The following NAA16 variants were observed in gnomAD, a reference collection of about 807,000 sequenced individuals.
The protein encoded by NAA16 is NARG1-like protein.
NAA16 carries 97 observed loss-of-function variants against 110.3 expected under a neutral mutation model. The ratio of observed to expected loss-of-function variants is 0.88; its 90% CI spans 0.75 to 1.04. The LOEUF (loss-of-function observed/expected upper bound fraction) is 1.04, where lower values mean the gene tolerates loss of function less well. Among genes scored for constraint, NAA16 ranks in the 50% least tolerant of loss-of-function variants. The probability of loss-of-function intolerance (pLI) is 0.00; values close to 1 mark genes in which losing one functional copy is unlikely to be tolerated. For missense variants in NAA16, 1,017 were observed against 1,005.1 expected (o/e 1.01, Z -0.16); for synonymous variants, 372 against 330.6 (o/e 1.13, Z -1.36).
chr13:41,336,186 A>T (rs550168276), intron 8 of NAA16, among the ~76,000 whole-genome samples: 48 of 151,704 alleles, frequency 3.2e-4, no homozygotes, highest in African/African-American at 1.1e-3. Flanking sequence ...TTTTTTTTAA[A>T]TTTTAATCAC....
At chr13:41,340,123 C>A (rs1205805140) in intron 9 of NAA16, among the ~76,000 whole-genome samples, 1 of 151,852 alleles carries the variant, frequency 6.6e-6, no homozygotes, top group Non-Finnish European at 1.5e-5. Context: ...TGTTTTGTTT[C>A]TTATTATCCA....
intron 7 of NAA16, among the ~76,000 whole-genome samples, chr13:41,330,929 G>A (rs771249270): frequency 2.6e-5 from 4 of 151,976 alleles, no homozygotes; most frequent in South Asian, 2.1e-4. Context: ...TTAGACCTAC[G>A]TTATAAAAAG....
intron 10 of NAA16, among the ~76,000 whole-genome samples, chr13:41,357,622 A>G (rs1736040909): frequency 6.6e-6 from 1 of 152,138 alleles, no homozygotes; most frequent in African/African-American, 2.4e-5. Flanking sequence ...TCATTTTTAC[A>G]CAAGTATGTC....
rs568110051 is a variant in NAA16, at chr13:41,315,778, A to AT, written c.55-1058dup. Among the ~76,000 whole-genome samples the AT allele has an allele frequency of 1.3e-3, 202 of 150,134 alleles. 2 individuals are homozygous for AT. In the East Asian group the frequency reaches 0.031, roughly 23 times the overall value. On this transcript the variant is annotated intron_variant, in intron 1 of 19. Coordinates refer to ENST00000379406, the MANE Select transcript of NAA16 (RefSeq NM_024561.5). ...TGTTGCCACATATGTTTTTGCTTAA[A>AT]TTTTTTTTTTGAGATGGTGTCTTGC...
At chr13:41,333,436 A>G (rs1314944454) in intron 8 of NAA16, among the ~76,000 whole-genome samples, 2 of 151,980 alleles carry the variant, frequency 1.3e-5, no homozygotes, top group Non-Finnish European at 2.9e-5. Flanking sequence ...TCACCCCTCA[A>G]CCACAGCACC....
chr13:41,319,127 C>T (rs2041882278), intron 3 of NAA16, among the ~76,000 whole-genome samples: 1 of 152,104 alleles, frequency 6.6e-6, no homozygotes, highest in South Asian at 2.1e-4. Flanking sequence ...TTGTTCCCTA[C>T]CCCGTGTTTA....
intron 1 of NAA16, among the ~76,000 whole-genome samples, chr13:41,314,235 T>C (rs898668606): frequency 2.0e-5 from 3 of 152,208 alleles, no homozygotes; most frequent in African/African-American, 7.2e-5. Flanking sequence ...ATGCTTCCAA[T>C]AGGTGTTAAC....
At chr13:41,341,366 CA>C (rs2042541990) in intron 9 of NAA16, among the ~76,000 whole-genome samples, 1 of 151,952 alleles carries the variant, frequency 6.6e-6, no homozygotes, top group Non-Finnish European at 1.5e-5. Flanking sequence ...AGGTAATAAC[CA>C]ACTTTAAATG....
intron 7 of NAA16, among the ~76,000 whole-genome samples, chr13:41,330,317 G>A (rs990600284): frequency 2.0e-5 from 3 of 151,826 alleles, no homozygotes; most frequent in African/African-American, 7.3e-5. Flanking sequence ...TTCAAATGTG[G>A]TGTTTACAAT....
chr13:41,373,187 A>G (rs2043356426), intron 17 of NAA16: 1 of 871,288 alleles, frequency 1.1e-6, no homozygotes, highest in Non-Finnish European at 1.4e-6. Context: ...ATGTATTTAT[A>G]TTCCAAAGGA....
chr13:41,358,237 GGA>G, intron 10 of NAA16, 65 bp from the exon 11 acceptor site: 3 of 1,332,060 alleles, frequency 2.3e-6, no homozygotes, highest in Admixed American at 1.9e-5. Flanking sequence ...TTATGAATTA[GGA>G]GAGAGAAAAT....
At chr13:41,329,846 T>C (rs1049054267) in intron 7 of NAA16, among the ~76,000 whole-genome samples, 7 of 152,016 alleles carry the variant, frequency 4.6e-5, no homozygotes, top group Non-Finnish European at 1.0e-4. Context: ...TTTACTAAAA[T>C]GAATAATATG....
chr13:41,323,603 C>T (rs1416758367), intron 5 of NAA16, among the ~76,000 whole-genome samples: 1 of 151,776 alleles, frequency 6.6e-6, no homozygotes, highest in Admixed American at 6.6e-5. Flanking sequence ...CCGCCCACCT[C>T]GGCCTCCCAA....
At position 41,346,669 on chromosome 13, in the gene NAA16, T is replaced by C. The variant is rs558041832; in HGVS notation, c.1015-8475T>C. Among the ~76,000 whole-genome samples, 25 of 151,648 alleles carry C rather than the reference T, an allele frequency of 1.6e-4. No homozygotes were observed. The South Asian group carries it at 5.0e-3, about 30-fold the overall frequency. On this transcript the variant is annotated intron_variant, in intron 9 of 19. Transcript: ENST00000379406. ...GCTCTGGGATGATTAGGTAGAGGAG[T>C]AGTGCCTCTTGGGGTATAAGGGCCA...
rs967222752 is a variant in NAA16, at chr13:41,348,904, C to T, written c.1015-6240C>T. ...CATGGTTTTAGATATTTGTCTATTT[C>T]GTCTATGTTATACAGCATTGGCATA... On this transcript the variant is annotated intron_variant, in intron 9 of 19. Transcript: ENST00000379406. Among the ~76,000 whole-genome samples the T allele has an allele frequency of 3.9e-5, 6 of 152,152 alleles. No individual in the cohort carries two copies. In the South Asian group the frequency reaches 1.0e-3, roughly 26 times the overall value.
intron 6 of NAA16, 52 bp downstream of exon 6, chr13:41,325,903 A>G (rs776432062): frequency 4.9e-6 from 7 of 1,437,888 alleles, no homozygotes; most frequent in African/African-American, 1.4e-5. Context: ...CAAAAAAACT[A>G]TATATTTTAT....
intron 9 of NAA16, among the ~76,000 whole-genome samples, chr13:41,345,142 C>A (rs1430619542): frequency 6.6e-6 from 1 of 152,188 alleles, no homozygotes; most frequent in East Asian, 1.9e-4. Flanking sequence ...AATAATGCTG[C>A]TGTGAACTTT....
chr13:41,330,857 G>A (rs907233287), intron 7 of NAA16, among the ~76,000 whole-genome samples: 1 of 152,000 alleles, frequency 6.6e-6, no homozygotes, highest in African/African-American at 2.4e-5. Flanking sequence ...TTGCTCCTTT[G>A]AGGCTTTTAT....
At chr13:41,368,872 T>G (rs2043259203) in intron 14 of NAA16, among the ~76,000 whole-genome samples, 1 of 152,170 alleles carries the variant, frequency 6.6e-6, no homozygotes, top group African/African-American at 2.4e-5. Context: ...AAAGCTGATC[T>G]AATTAAAAGT....
Sources: gnomAD v4.1 joint callset for allele counts (sites outside exome capture counted in the v4.1 genomes callset) on GRCh38, gnomAD v4.1.1 for gene constraint, MANE v1.5 for transcripts, NCBI Gene and HGNC (gene_info 2026-07-23, HGNC 2026-07-21) for gene names.